Variants in INVS observed in about 807,000 individuals in gnomAD.
INVS encodes inversin.
A neutral mutation model predicts 108.8 loss-of-function variants in INVS; 86 were observed. The ratio of observed to expected loss-of-function variants is 0.79; its 90% CI spans 0.66 to 0.95. INVS has a LOEUF of 0.95. Ranked by LOEUF, INVS falls within the 40% of genes least tolerant of loss-of-function variation. The pLI is 0.00. For missense variants in INVS, 1,169 were observed against 1,297.4 expected (o/e 0.90, Z 1.52); for synonymous variants, 455 against 473.5 (o/e 0.96, Z 0.51).
intron 3 of INVS, among the ~76,000 whole-genome samples, chr9:100,169,330 C>T (rs1448464325): frequency 6.6e-6 from 1 of 152,146 alleles, no homozygotes; most frequent in African/African-American, 2.4e-5. Flanking sequence ...TATATCCCTA[C>T]ATACTTACGC....
chr9:100,291,622 A>C (rs1472300722), intron 13 of INVS, among the ~76,000 whole-genome samples: 1 of 152,148 alleles, frequency 6.6e-6, no homozygotes, highest in African/African-American at 2.4e-5. Context: ...TGCTTCTGTG[A>C]GGCATCCTGG....
rs555356743 is a variant in INVS at position 100,189,972 on chromosome 9, T to G, written c.274-36090T>G. On this transcript the variant is annotated intron_variant, in intron 3 of 16. Coordinates refer to ENST00000262457, the MANE Select transcript of INVS (RefSeq NM_014425.5). ...AAGTCCTGTGTTTCTTTGTTGACTT[T>G]CTGCCTGGATGATCTGTCTAGTGCT... 8.3e-4 allele frequency among the ~76,000 whole-genome samples: 126 copies of G among 152,282 alleles called. 1 individual carries two copies. Among genetic ancestry groups the G allele is most frequent in the Middle Eastern group, 3.4e-3 (1 of 294 alleles).
At chr9:100,105,674 A>C (rs1181446177) in intron 2 of INVS, among the ~76,000 whole-genome samples, 1 of 151,558 alleles carries the variant, frequency 6.6e-6, no homozygotes, top group African/African-American at 2.4e-5. Context: ...TTCAACTAAA[A>C]CTCTTACTTT....
intron 3 of INVS, chr9:100,215,375 C>T (rs1830955277): frequency 1.3e-5 from 2 of 152,228 alleles, no homozygotes; most frequent in Non-Finnish European, 2.9e-5. Flanking sequence ...TAATCCCCCA[C>T]TCCTTTTGTC....
intron 3 of INVS, chr9:100,131,009 G>T (rs1016958595): frequency 6.6e-6 from 1 of 152,058 alleles, no homozygotes; most frequent in African/African-American, 2.4e-5. Context: ...TCTAGTTTTT[G>T]TGTGTGTGTG....
chr9:100,175,026 A>T (rs1035106466), intron 3 of INVS, among the ~76,000 whole-genome samples: 1 of 152,212 alleles, frequency 6.6e-6, no homozygotes, highest in African/African-American at 2.4e-5. Context: ...GCCTTCTGTT[A>T]CTGTGGGAGA....
chr9:100,274,454 C>T (rs1833056896), intron 12 of INVS, among the ~76,000 whole-genome samples: 1 of 152,170 alleles, frequency 6.6e-6, no homozygotes, highest in Non-Finnish European at 1.5e-5. Flanking sequence ...AGCAGCAGTG[C>T]ATCACATTAG....
At chr9:100,273,128 A>T in intron 12 of INVS, 52 bp downstream of exon 12, 178 of 1,236,206 alleles carry the variant, frequency 1.4e-4, no homozygotes, top group Non-Finnish European at 1.9e-4. Context: ...TCAGGGTGGA[A>T]GTGGGGGTGT....
intron 3 of INVS, among the ~76,000 whole-genome samples, chr9:100,157,205 TTATACA>T (rs1829018382): frequency 6.6e-6 from 1 of 151,446 alleles, no homozygotes; most frequent in South Asian, 2.1e-4. Context: ...ATAACCACAG[TTATACA>T]TATGTATCAT....
chr9:100,246,690 G>A lies in INVS; in HGVS notation c.981G>A (p.Met327Ile), dbSNP rs1832059379. ...ACCTGGAAGGAAGAACATCCTTTATGTGGGCAGCTGGCAAAGGCAGTGATG... is the reference window on the plus strand; with the variant it reads ...ACCTGGAAGGAAGAACATCCTTTATATGGGCAGCTGGCAAAGGCAGTGATG... Reference protein sequence around the residue: ...DSDLEGRTSFMWAAGKGSDDV... With the variant: ...DSDLEGRTSFIWAAGKGSDDV... The change falls in exon 8 of 17, where the codon ATG becomes ATA. Residue 327 changes from methionine (M) to isoleucine (I), a missense_variant. Around this residue, in one of 3 missense-constraint regions of INVS, gnomAD observed 365 missense variants for 397.5 expected, o/e 0.92. Transcript: ENST00000262457. The A allele has an allele frequency of 6.2e-7, 1 of 1,613,700 alleles. No homozygotes were observed. The highest frequency in any genetic ancestry group is 1.1e-5 in the South Asian group (1 of 91,078).
At position 100,293,583 on chromosome 9, in the gene INVS, G is replaced by A. The variant is rs181639998; in HGVS notation, c.2786+540G>A. Among the ~76,000 whole-genome samples the A allele has an allele frequency of 5.3e-5, 8 of 152,316 alleles. No homozygotes were observed. In the East Asian group the frequency reaches 1.5e-3, roughly 29 times the overall value. On this transcript the variant is annotated intron_variant, in intron 14 of 16. Transcript: ENST00000262457. ...CCAGGGTCTGGATATAACAGATTGA[G>A]TGACTAAACTGTATTATGTAAACCT...
At position 100,292,394 on chromosome 9, in the gene INVS, G is replaced by A; in HGVS notation, c.2137G>A (p.Gly713Arg). 1 of 1,614,204 alleles carries A rather than the reference G, an allele frequency of 6.2e-7. No homozygotes were observed. Among genetic ancestry groups the A allele is most frequent in the Non-Finnish European group, 8.5e-7 (1 of 1,180,044 alleles). The change falls in exon 14 of 17, where the codon GGA becomes AGA. Residue 713 changes from glycine to arginine, a missense_variant. Around this residue, in one of 3 missense-constraint regions of INVS, gnomAD observed 533 missense variants for 536.0 expected, o/e 0.99. Transcript: ENST00000262457. ...VHFRPNEGSD[G>R]SRHPGVPSVE... ...CTTCAGACCCAATGAAGGCAGTGAT[G>A]GAAGCAGGCATCCAGGAGTTCCCTC...
intron 3 of INVS, among the ~76,000 whole-genome samples, chr9:100,148,763 A>G (rs1828711260): frequency 6.6e-6 from 1 of 152,214 alleles, no homozygotes; most frequent in African/African-American, 2.4e-5. Flanking sequence ...CATTCTTTAT[A>G]TATTCTCGAC....
At chr9:100,152,505 A>C (rs1397922375) in intron 3 of INVS, among the ~76,000 whole-genome samples, 3 of 152,212 alleles carry the variant, frequency 2.0e-5, no homozygotes, top group African/African-American at 7.2e-5. Flanking sequence ...ACTTGTCTAA[A>C]TTATGTCGTC....
At chr9:100,231,887 T>G (rs983819753) in intron 5 of INVS, among the ~76,000 whole-genome samples, 4 of 152,204 alleles carry the variant, frequency 2.6e-5, no homozygotes, top group African/African-American at 9.6e-5. Flanking sequence ...GATTCCTGGG[T>G]CAAATGGTAT....
At chr9:100,239,756 G>A (rs1033715698) in intron 5 of INVS, among the ~76,000 whole-genome samples, 3 of 152,086 alleles carry the variant, frequency 2.0e-5, no homozygotes, top group Non-Finnish European at 4.4e-5. Flanking sequence ...AGAATTGCTT[G>A]AGCCTAGGAA....
At chr9:100,104,001 T>C (rs1827093748) in intron 1 of INVS, among the ~76,000 whole-genome samples, 1 of 152,194 alleles carries the variant, frequency 6.6e-6, no homozygotes. Flanking sequence ...TCATATTACT[T>C]GTATTAACTT....
At chr9:100,137,136 T>C (rs1270960398) in intron 3 of INVS, among the ~76,000 whole-genome samples, 1 of 152,214 alleles carries the variant, frequency 6.6e-6, no homozygotes, top group East Asian at 1.9e-4. Context: ...ATCTGAATAT[T>C]CTTGACAATC....
intron 3 of INVS, among the ~76,000 whole-genome samples, chr9:100,139,576 T>C (rs1250862872): frequency 1.3e-5 from 2 of 152,238 alleles, no homozygotes; most frequent in Non-Finnish European, 2.9e-5. Flanking sequence ...TTTTAACCTG[T>C]AATCAGTCCC....
Sources: gnomAD v4.1 joint callset for allele counts (sites outside exome capture counted in the v4.1 genomes callset) on GRCh38, gnomAD v4.1.1 for gene constraint, gnomAD v4.1.1 regional missense constraint, MANE v1.5 for transcripts, NCBI Gene and HGNC (gene_info 2026-07-23, HGNC 2026-07-21) for gene names.